RBFOX1: variants seen among roughly 807,000 people sequenced by gnomAD.
RBFOX1 encodes RNA binding protein fox-1 homolog 1.
A neutral mutation model predicts 57.7 loss-of-function variants in RBFOX1; 8 were observed. That is an observed-to-expected ratio of 0.14 (90% CI 0.08 to 0.25). The LOEUF (loss-of-function observed/expected upper bound fraction) is 0.25, where lower values mean the gene tolerates loss of function less well. Ranked by LOEUF, RBFOX1 falls within the 10% of genes least tolerant of loss-of-function variation. The pLI, the probability that RBFOX1 is intolerant of heterozygous loss-of-function variation, is 1.00. For synonymous variants in RBFOX1, 326 were observed against 222.4 expected, an observed-to-expected ratio of 1.47 and a Z score of -4.15; for missense variants, 611 against 548.5, an observed-to-expected ratio of 1.11 and a Z score of -1.14.
chr16:6,596,856 C>T (rs1389298343), intron 2 of RBFOX1, among the ~76,000 whole-genome samples: 1 of 152,106 alleles, frequency 6.6e-6, no homozygotes, highest in East Asian at 1.9e-4. Flanking sequence ...CTATATAGTG[C>T]TATATCGAGA....
chr16:7,355,000 T>C (rs894558829), intron 4 of RBFOX1, among the ~76,000 whole-genome samples: 6 of 152,154 alleles, frequency 3.9e-5, no homozygotes, highest in African/African-American at 1.4e-4. Flanking sequence ...ATAATAAAAA[T>C]TAATAGTTAA....
chr16:6,503,343 G>C (rs780089067), intron 2 of RBFOX1, among the ~76,000 whole-genome samples: 2 of 152,106 alleles, frequency 1.3e-5, no homozygotes, highest in Non-Finnish European at 2.9e-5. Flanking sequence ...AGAAGCCTGG[G>C]GAGTCATAGC....
intron 2 of RBFOX1, among the ~76,000 whole-genome samples, chr16:6,374,880 G>C (rs2090962939): frequency 1.3e-5 from 2 of 152,288 alleles, no homozygotes; most frequent in South Asian, 4.1e-4. Flanking sequence ...AGATTTCTTA[G>C]CCTGTCAAGA....
chr16:6,051,662 C>G (rs564720613), intron 1 of RBFOX1, among the ~76,000 whole-genome samples: 2 of 152,274 alleles, frequency 1.3e-5, no homozygotes, highest in African/African-American at 4.8e-5. Flanking sequence ...CTCTCAGGTT[C>G]AAGCAATGTT....
intron 3 of RBFOX1, among the ~76,000 whole-genome samples, chr16:6,755,184 T>C (rs2075587732): frequency 6.6e-6 from 1 of 152,228 alleles, no homozygotes; most frequent in African/African-American, 2.4e-5. Context: ...TGTGTCTTTA[T>C]AGCAGCATGA....
At chr16:6,388,727 G>A (rs954462723) in intron 2 of RBFOX1, among the ~76,000 whole-genome samples, 11 of 152,022 alleles carry the variant, frequency 7.2e-5, no homozygotes, top group African/African-American at 1.2e-4. Context: ...ATGACAGAGC[G>A]AGATGCTGTT....
intron 4 of RBFOX1, among the ~76,000 whole-genome samples, chr16:5,872,378 A>G (rs1190192027): frequency 6.6e-6 from 1 of 152,206 alleles, no homozygotes; most frequent in East Asian, 1.9e-4. Flanking sequence ...TTTTCTCCAC[A>G]AAATGGGAAT....
At chr16:7,669,284 G>GT (rs2070567795) in intron 13 of RBFOX1, among the ~76,000 whole-genome samples, 1 of 152,174 alleles carries the variant, frequency 6.6e-6, no homozygotes, top group Non-Finnish European at 1.5e-5. Context: ...CAAGACATCT[G>GT]TTGGTTGACC....
chr16:7,016,453 C>G (rs1324059789), intron 3 of RBFOX1, among the ~76,000 whole-genome samples: 1 of 152,172 alleles, frequency 6.6e-6, no homozygotes, highest in Non-Finnish European at 1.5e-5. Context: ...ATGTTTCTCA[C>G]TTGTTTCGGG....
chr16:5,559,341 T>C (rs2045802673), intron 2 of RBFOX1, among the ~76,000 whole-genome samples: 2 of 152,178 alleles, frequency 1.3e-5, no homozygotes, highest in African/African-American at 4.8e-5. Flanking sequence ...ATAGTAAACA[T>C]TGATGTGGAA....
intron 4 of RBFOX1, among the ~76,000 whole-genome samples, chr16:7,388,214 A>G (rs900666118): frequency 3.0e-4 from 46 of 152,284 alleles, no homozygotes; most frequent in African/African-American, 1.1e-3. Flanking sequence ...GCAGAGTTCT[A>G]CAGACACACA....
chr16:7,433,234 C>T (rs1039393118), intron 4 of RBFOX1, among the ~76,000 whole-genome samples: 6 of 152,256 alleles, frequency 3.9e-5, no homozygotes, highest in African/African-American at 1.4e-4. Context: ...TTTCTTGCCT[C>T]TTCTAGTAAA....
chr16:6,941,852 T>G (rs1057296020), intron 3 of RBFOX1, among the ~76,000 whole-genome samples: 1 of 152,052 alleles, frequency 6.6e-6, no homozygotes. Flanking sequence ...CTCTTTCCCA[T>G]CTGGAGTGCA....
intron 1 of RBFOX1, among the ~76,000 whole-genome samples, chr16:6,312,171 CT>C (rs2080401926): frequency 6.6e-6 from 1 of 152,152 alleles, no homozygotes; most frequent in African/African-American, 2.4e-5. Context: ...TTCAAACTCA[CT>C]CAATAAATGG....
At chr16:6,262,895 A>G (rs1259815528) in intron 1 of RBFOX1, among the ~76,000 whole-genome samples, 3 of 152,206 alleles carry the variant, frequency 2.0e-5, no homozygotes, top group Non-Finnish European at 4.4e-5. Context: ...GGTAAGTACC[A>G]TCAAGGAGAT....
chr16:6,029,901 A>C lies in RBFOX1; in HGVS notation c.-127+9909A>C, dbSNP rs928110454. On this transcript the variant is annotated intron_variant, in intron 1 of 15. Coordinates refer to ENST00000550418, the MANE Select transcript of RBFOX1 (RefSeq NM_018723.4). Reference sequence around the variant, plus strand: ...ATGAAGAATTCAACTCTCTAATGTTATTTGCTATGATTATTATTGTTATTT... The same window carrying C: ...ATGAAGAATTCAACTCTCTAATGTTCTTTGCTATGATTATTATTGTTATTT... Among the ~76,000 whole-genome samples the C allele has an allele frequency of 3.3e-5, 5 of 151,678 alleles. No individual in the cohort carries two copies. The South Asian group carries it at 1.0e-3, about 32-fold the overall frequency.
intron 1 of RBFOX1, among the ~76,000 whole-genome samples, chr16:5,461,117 G>C (rs116257316): frequency 6.6e-6 from 1 of 152,128 alleles, no homozygotes; most frequent in Non-Finnish European, 1.5e-5. Context: ...TGAGATTGCA[G>C]ACTGGAGAGG....
At chr16:6,791,462 G>A (rs1388942226) in intron 3 of RBFOX1, among the ~76,000 whole-genome samples, 8 of 152,004 alleles carry the variant, frequency 5.3e-5, no homozygotes, top group South Asian at 2.1e-4. Flanking sequence ...TCAAGATGGC[G>A]AAAGTAGAGC....
chr16:7,423,675 T>A (rs1018805459), intron 4 of RBFOX1, among the ~76,000 whole-genome samples: 1 of 152,192 alleles, frequency 6.6e-6, no homozygotes, highest in African/African-American at 2.4e-5. Context: ...GGGGACCTTC[T>A]GGGTTCTGAT....
Sources: gnomAD v4.1 joint callset for allele counts (sites outside exome capture counted in the v4.1 genomes callset) on GRCh38, gnomAD v4.1.1 for gene constraint, MANE v1.5 for transcripts, NCBI Gene and HGNC (gene_info 2026-07-23, HGNC 2026-07-21) for gene names.